LRRC37A2: variants seen among roughly 807,000 people sequenced by gnomAD.
LRRC37A2 encodes leucine-rich repeat-containing protein 37A2.
A neutral mutation model predicts 68.8 loss-of-function variants in LRRC37A2; 9 were observed. The observed-to-expected ratio is 0.13, with a 90% CI of 0.08 to 0.23. LRRC37A2 has a LOEUF of 0.23. Among genes scored for constraint, LRRC37A2 ranks in the 10% least tolerant of loss-of-function variants. The pLI is 1.00. For missense variants in LRRC37A2, 168 were observed against 950.4 expected, an observed-to-expected ratio of 0.18 and a Z score of 10.82; for synonymous variants, 63 against 367.6, an observed-to-expected ratio of 0.17 and a Z score of 9.48.
At chr17:46,467,787 C>T in the LRRC37A2 span, among the ~76,000 whole-genome samples, 3 of 105,066 alleles carry the variant, frequency 2.9e-5, 1 homozygote, top group Admixed American at 9.1e-5. Flanking sequence ...GAGATGAACA[C>T]TTGCATATAG....
the LRRC37A2 span, among the ~76,000 whole-genome samples, chr17:46,467,517 T>G: frequency 9.7e-6 from 1 of 102,658 alleles, no homozygotes. Flanking sequence ...GTTGTGATAG[T>G]TACCACATGG....
the LRRC37A2 span, among the ~76,000 whole-genome samples, chr17:46,503,084 C>A: frequency 1.3e-5 from 2 of 150,488 alleles, 1 homozygote; most frequent in African/African-American, 5.0e-5. Flanking sequence ...TGGTGGGGGG[C>A]GCCTGTAGTC....
chr17:47,028,212 C>T, the LRRC37A2 span: 1 of 1,058,114 alleles, frequency 9.5e-7, no homozygotes, highest in Non-Finnish European at 1.5e-6. Flanking sequence ...AAATTAGAAT[C>T]ATGGCAAATG....
chr17:46,831,904 C>T, the LRRC37A2 span, among the ~76,000 whole-genome samples: 3 of 152,280 alleles, frequency 2.0e-5, no homozygotes, highest in African/African-American at 7.2e-5. Flanking sequence ...GAGGCCAACA[C>T]CCTTTGTGTT....
the LRRC37A2 span, chr17:47,027,522 T>C: frequency 1.1e-5 from 11 of 987,180 alleles, no homozygotes; most frequent in East Asian, 2.7e-4. Flanking sequence ...ATTTAATAAC[T>C]AATCAAGGCA....
At chr17:46,953,823 T>G in the LRRC37A2 span, among the ~76,000 whole-genome samples, 13 of 152,388 alleles carry the variant, frequency 8.5e-5, no homozygotes, top group African/African-American at 3.1e-4. Flanking sequence ...GTTTCTTGGC[T>G]GCATAAATGT....
the LRRC37A2 span, among the ~76,000 whole-genome samples, chr17:46,760,219 C>T: frequency 6.6e-6 from 1 of 152,128 alleles, no homozygotes; most frequent in Non-Finnish European, 1.5e-5. Flanking sequence ...ATGATCATGC[C>T]ACTGTACTCC....
the LRRC37A2 span, among the ~76,000 whole-genome samples, chr17:46,992,853 CAAAAAAAAAAAAA>C: frequency 4.6e-5 from 3 of 65,168 alleles, no homozygotes; most frequent in South Asian, 1.6e-3. Flanking sequence ...AACTCCATCT[CAAAAAAAAAAAAA>C]AAAAAAAAAA....
At chr17:46,900,174 T>TATATATATATATATATATAC in the LRRC37A2 span, among the ~76,000 whole-genome samples, 1 of 30,346 alleles carries the variant, frequency 3.3e-5, no homozygotes, top group Admixed American at 3.7e-4. Flanking sequence ...TATACATATA[T>TATATATATATATATATATAC]ATATATATAT....
At chr17:47,011,812 C>CT in the LRRC37A2 span, among the ~76,000 whole-genome samples, 1 of 152,132 alleles carries the variant, frequency 6.6e-6, no homozygotes, top group African/African-American at 2.4e-5. Context: ...TAGACACAGG[C>CT]TATGCATCCC....
the LRRC37A2 span, among the ~76,000 whole-genome samples, chr17:46,984,881 A>T: frequency 0.7 from 106,503 of 152,112 alleles, 37,912 homozygotes; most frequent in Middle Eastern, 0.78. Flanking sequence ...TTCAGAAACA[A>T]GTAAATAGAT....
chr17:46,940,155 T>G, the LRRC37A2 span: 4 of 1,321,494 alleles, frequency 3.0e-6, no homozygotes, highest in Non-Finnish European at 3.9e-6. Flanking sequence ...GTAGTCATGT[T>G]GGTCCTTTCA....
the LRRC37A2 span, among the ~76,000 whole-genome samples, chr17:46,802,222 T>C: frequency 6.6e-6 from 1 of 152,156 alleles, no homozygotes; most frequent in Non-Finnish European, 1.5e-5. Flanking sequence ...TTGAGGTTGG[T>C]TACCCCAAAA....
At chr17:47,038,163 G>A in the LRRC37A2 span, among the ~76,000 whole-genome samples, 1 of 152,076 alleles carries the variant, frequency 6.6e-6, no homozygotes, top group East Asian at 1.9e-4. Context: ...AAAGTTAGCT[G>A]AACATGGTGG....
At chr17:46,852,366 C>T in the LRRC37A2 span, among the ~76,000 whole-genome samples, 11 of 148,734 alleles carry the variant, frequency 7.4e-5, no homozygotes, top group Non-Finnish European at 1.6e-4. Flanking sequence ...CTCAGGAGAA[C>T]ACTGGAAAGA....
chr17:46,729,782 A>G, the LRRC37A2 span, among the ~76,000 whole-genome samples: 1 of 152,184 alleles, frequency 6.6e-6, no homozygotes, highest in Non-Finnish European at 1.5e-5. Context: ...GGTGAATCTA[A>G]TTTTTAATTT....
the LRRC37A2 span, among the ~76,000 whole-genome samples, chr17:46,844,239 G>A: frequency 6.6e-6 from 1 of 151,594 alleles, no homozygotes; most frequent in African/African-American, 2.4e-5. Context: ...TTATAGGCAT[G>A]AGCCACTGTA....
chr17:46,773,523 G>T, the LRRC37A2 span: 2 of 927,130 alleles, frequency 2.2e-6, no homozygotes, highest in Non-Finnish European at 3.2e-6. Flanking sequence ...CTGGGAAGGT[G>T]TGGCAGTCAT....
chr17:46,878,290 T>C, the LRRC37A2 span, among the ~76,000 whole-genome samples: 1 of 152,166 alleles, frequency 6.6e-6, no homozygotes, highest in Non-Finnish European at 1.5e-5. Context: ...CACAGGAAAT[T>C]TCAGAATCAG....
Sources: allele counts gnomAD v4.1 joint callset (sites outside exome capture counted in the v4.1 genomes callset), GRCh38; gene constraint gnomAD v4.1.1; transcripts MANE v1.5; gene names NCBI Gene and HGNC (gene_info 2026-07-23, HGNC 2026-07-21).